The following C2orf49 variants were observed in gnomAD, a reference collection of about 807,000 sequenced individuals.
The protein encoded by C2orf49 is tRNA splicing ligase complex subunit 2, also known as tRNA-splicing ligase complex subunit ASW.
C2orf49 carries 11 observed loss-of-function variants against 20.6 expected under a neutral mutation model. The ratio of observed to expected loss-of-function variants is 0.53; its 90% CI spans 0.34 to 0.88. The LOEUF is 0.88. C2orf49 is among the 40% of genes least tolerant of loss of function. C2orf49 has a pLI of 0.02. For synonymous variants in C2orf49, 134 were observed against 108.5 expected, an observed-to-expected ratio of 1.24 and a Z score of -1.46; for missense variants, 289 against 274.2, an observed-to-expected ratio of 1.05 and a Z score of -0.38.
chr2:105,370,252 G>A, the C2orf49 span, among the ~76,000 whole-genome samples: 38 of 152,060 alleles, frequency 2.5e-4, no homozygotes, highest in Non-Finnish European at 4.6e-4. Flanking sequence ...GTGTGTGCCT[G>A]AGGTCCTAGA....
At chr2:105,351,136 C>T (rs915952184), downstream of C2orf49, among the ~76,000 whole-genome samples, 1 of 151,982 alleles carries the variant, frequency 6.6e-6, no homozygotes, top group Non-Finnish European at 1.5e-5. Flanking sequence ...ATGTGTTTTG[C>T]GGGGAGGACT....
chr2:105,362,369 T>G, the C2orf49 span, among the ~76,000 whole-genome samples: 7 of 152,200 alleles, frequency 4.6e-5, no homozygotes, highest in Non-Finnish European at 8.8e-5. Context: ...TTTAGCGACC[T>G]GGGAAGGTGA....
chr2:105,365,289 TAA>T, the C2orf49 span, among the ~76,000 whole-genome samples: 3 of 152,086 alleles, frequency 2.0e-5, no homozygotes, highest in Non-Finnish European at 4.4e-5. Context: ...AGACTACAGT[TAA>T]GTGTCTGCAT....
chr2:105,342,686 ATTCT>A (rs1679702405), intron 2 of C2orf49, among the ~76,000 whole-genome samples, 158 bp from the exon 3 acceptor site: 1 of 152,358 alleles, frequency 6.6e-6, no homozygotes, highest in East Asian at 1.9e-4. Flanking sequence ...ACACTAGGAA[ATTCT>A]TTCATTTAGA....
rs1679715055 is a variant in C2orf49 at position 105,343,079 on chromosome 2, C to T, written c.498C>T (p.His166=). The T allele has an allele frequency of 6.2e-7, 1 of 1,614,172 alleles. No homozygotes were observed. The highest frequency in any genetic ancestry group is 8.5e-7 in the Non-Finnish European group (1 of 1,180,030). The change falls in exon 3 of 4, where the codon CAC becomes CAT. Residue 166 remains histidine, a synonymous_variant. Transcript: ENST00000258457. ...SNLPVNNKTE[H]NNNDAKQNHD... is the part of the protein sequence containing the mutation. ...TGCCTGTGAACAATAAAACGGAACACAATAATAATGACGCTAAACAGAACC... is the reference window on the plus strand; with the variant it reads ...TGCCTGTGAACAATAAAACGGAACATAATAATAATGACGCTAAACAGAACC...
chr2:105,357,488 C>T, the C2orf49 span, among the ~76,000 whole-genome samples: 87 of 152,112 alleles, frequency 5.7e-4, 1 homozygote, highest in Non-Finnish European at 1.1e-3. Context: ...TCCAGGACCC[C>T]CTACAAATAC....
At chr2:105,338,500 T>C (rs1461603620) in intron 1 of C2orf49, among the ~76,000 whole-genome samples, 1 of 152,200 alleles carries the variant, frequency 6.6e-6, no homozygotes, top group Non-Finnish European at 1.5e-5. Context: ...GTCCTCAGTT[T>C]CTCGTTCAGT....
At chr2:105,349,595 A>T (rs530683100), downstream of C2orf49, among the ~76,000 whole-genome samples, 60 of 152,210 alleles carry the variant, frequency 3.9e-4, no homozygotes, top group Non-Finnish European at 8.4e-4. Flanking sequence ...TTTGTTGAGT[A>T]CCTACTATGC....
At chr2:105,339,116 A>G (rs534704354) in intron 1 of C2orf49, among the ~76,000 whole-genome samples, 2 of 152,322 alleles carry the variant, frequency 1.3e-5, no homozygotes, top group African/African-American at 4.8e-5. Context: ...TCAATTTAGG[A>G]AGCACCAGAT....
the C2orf49 span, chr2:105,362,989 A>C: frequency 1.2e-5 from 4 of 347,160 alleles, no homozygotes; most frequent in Non-Finnish European, 5.3e-6. Flanking sequence ...TGCTTTTGTG[A>C]TGTCACAGGC....
the C2orf49 span, among the ~76,000 whole-genome samples, chr2:105,369,208 C>T: frequency 2.0e-5 from 3 of 152,126 alleles, no homozygotes; most frequent in African/African-American, 7.2e-5. Flanking sequence ...GGAATCAAGC[C>T]GACAGAGGGA....
At chr2:105,379,237 A>G in the C2orf49 span, among the ~76,000 whole-genome samples, 1 of 152,212 alleles carries the variant, frequency 6.6e-6, no homozygotes, top group African/African-American at 2.4e-5. Flanking sequence ...TGTAACAAGC[A>G]TGTATAACAG....
At chr2:105,374,227 C>T in the C2orf49 span, 1 of 192,276 alleles carries the variant, frequency 5.2e-6, no homozygotes, top group Non-Finnish European at 1.1e-5. Flanking sequence ...GGGAGACGGT[C>T]AGGAGAGACT....
downstream of C2orf49, among the ~76,000 whole-genome samples, chr2:105,351,092 ATTTTTCTG>A (rs1464530676): frequency 6.6e-6 from 1 of 151,698 alleles, no homozygotes; most frequent in Non-Finnish European, 1.5e-5. Flanking sequence ...CTCAATTGGG[ATTTTTCTG>A]TTTTTCTCAT....
chr2:105,342,795 C>T (rs1679704811), intron 2 of C2orf49, 53 bp from the exon 3 acceptor site: 1 of 1,534,180 alleles, frequency 6.5e-7, no homozygotes, highest in Admixed American at 2.1e-5. Flanking sequence ...TCCCAGTGAA[C>T]TGGTTTGCCG....
chr2:105,339,484 T>A, intron 1 of C2orf49, 99 bp from the exon 2 acceptor site: 1 of 1,167,344 alleles, frequency 8.6e-7, no homozygotes, highest in Non-Finnish European at 1.2e-6. Context: ...TTTTATAATT[T>A]GTTATTTAAG....
the C2orf49 span, chr2:105,367,462 C>T: frequency 1.7e-6 from 2 of 1,161,596 alleles, no homozygotes; most frequent in African/African-American, 1.5e-5. Flanking sequence ...GCTCCCACGC[C>T]ACTTAAGTAT....
chr2:105,385,210 C>T, the C2orf49 span, among the ~76,000 whole-genome samples: 1 of 152,206 alleles, frequency 6.6e-6, no homozygotes. Context: ...CTGCTCAAGG[C>T]AGAGGTCTCT....
the C2orf49 span, among the ~76,000 whole-genome samples, chr2:105,374,863 G>A: frequency 4.6e-5 from 7 of 152,158 alleles, no homozygotes; most frequent in African/African-American, 1.7e-4. Flanking sequence ...ATTTATACAT[G>A]AGGCAGAAAC....
Sources: gnomAD v4.1 joint callset for allele counts (sites outside exome capture counted in the v4.1 genomes callset) on GRCh38, gnomAD v4.1.1 for gene constraint, MANE v1.5 for transcripts, NCBI Gene and HGNC (gene_info 2026-07-23, HGNC 2026-07-21) for gene names.